Variants in ELOVL1 observed in about 807,000 individuals in gnomAD.
ELOVL1 encodes the protein ELOVL fatty acid elongase 1.
Under a neutral mutation model 37.8 loss-of-function variants are expected in ELOVL1, and 10 were observed. That is an observed-to-expected ratio of 0.26 (90% CI 0.16 to 0.45). The LOEUF is 0.45. Ranked by LOEUF, ELOVL1 falls within the 20% of genes least tolerant of loss-of-function variation. The pLI is 1.00. For missense variants in ELOVL1, 256 were observed against 352.7 expected (o/e 0.73, Z 2.20); for synonymous variants, 133 against 123.8 (o/e 1.07, Z -0.49).
chr1:43,365,513 C>A (rs781442415), intron 2 of ELOVL1, 51 bp downstream of exon 2: 2 of 1,613,780 alleles, frequency 1.2e-6, no homozygotes, highest in East Asian at 4.5e-5. Context: ...AGCCGTAGAT[C>A]CAGGGATCCC....
chr1:43,363,889 G>T lies in ELOVL1; in HGVS notation c.*27C>A, dbSNP rs755587257. 3.1e-6 allele frequency: 5 copies of T among 1,607,258 alleles called. No homozygotes were observed. The highest frequency in any genetic ancestry group is 2.2e-5 in the South Asian group (2 of 90,796). ...CTAAGGTGCAGTCCTGAGGCACTTA[G>T]GTGGGCGCCTATCTAGGCCATGCTT... On this transcript the variant is annotated 3_prime_UTR_variant, in exon 8 of 8. Coordinates refer to ENST00000372458, the MANE Select transcript of ELOVL1 (RefSeq NM_022821.4).
In ELOVL1 at chr1:43,363,791, G is replaced by T; in HGVS notation, c.*125C>A. ...AGCAGCTGTGGGGAGGGGAGGGCCA[G>T]TCCCCTGCTCAGTCCTGACCACATA... On this transcript the variant is annotated 3_prime_UTR_variant, in exon 8 of 8. Transcript: ENST00000372458. 1.2e-6 allele frequency: 1 copy of T among 858,720 alleles called. No individual in the cohort carries two copies. Among genetic ancestry groups the T allele is most frequent in the Non-Finnish European group, 1.8e-6 (1 of 543,914 alleles). The allele number at this position is 858,720 out of a possible 1,614,324, so 53.2% of individuals were successfully genotyped here. A position where few individuals can be genotyped will look rare whatever the true frequency, so the allele number is the denominator to read the frequency against.
At chr1:43,367,893 T>A (rs1275870373) in intron 1 of ELOVL1, 22 bp downstream of exon 1, 1 of 151,836 alleles carries the variant, frequency 6.6e-6, no homozygotes, top group Non-Finnish European at 1.4e-5. Context: ...ACGTGGAGAG[T>A]CCGTGGAAGG....
At position 43,365,018 on chromosome 1, in the gene ELOVL1, G is replaced by T; in HGVS notation, c.238-10C>A. ...AGCCCGACATCAGGAACTGGGAAGGGATGTGGATTAGACCACCAGAGTTCT... is the reference window on the plus strand; with the variant it reads ...AGCCCGACATCAGGAACTGGGAAGGTATGTGGATTAGACCACCAGAGTTCT... On this transcript the variant is annotated splice_polypyrimidine_tract_variant and intron_variant, in intron 3 of 7. Coordinates refer to ENST00000372458, the MANE Select transcript of ELOVL1 (RefSeq NM_022821.4). 1.9e-6 allele frequency: 3 copies of T among 1,612,088 alleles called. No homozygotes were observed. Among genetic ancestry groups the T allele is most frequent in the Non-Finnish European group, 2.5e-6 (3 of 1,179,184 alleles).
chr1:43,363,760 C>T lies in ELOVL1; in HGVS notation c.*156G>A. 1.5e-6 allele frequency: 1 copy of T among 678,700 alleles called. No individual in the cohort carries two copies. The highest frequency in any genetic ancestry group is 2.5e-6 in the Non-Finnish European group (1 of 399,940). The allele number at this position is 678,700 out of a possible 1,614,324, so 42.0% of individuals were successfully genotyped here. A position where few individuals can be genotyped will look rare whatever the true frequency, so the allele number is the denominator to read the frequency against. On this transcript the variant is annotated 3_prime_UTR_variant, in exon 8 of 8. Transcript: ENST00000372458. Reference sequence around the variant, plus strand: ...GGGTGAGGAACCAAAGCCGTGGTCCCTGTAGAGCAGCTGTGGGGAGGGGAG... The same window carrying T: ...GGGTGAGGAACCAAAGCCGTGGTCCTTGTAGAGCAGCTGTGGGGAGGGGAG...
chr1:43,364,788 G>A lies in ELOVL1; in HGVS notation c.325C>T (p.Arg109Trp), dbSNP rs201783931. The change falls in exon 5 of 8, where the codon CGG (arginine) becomes TGG (tryptophan). Residue 109 changes from arginine (R) to tryptophan (W), a missense_variant. Coordinates refer to ENST00000372458, the MANE Select transcript of ELOVL1 (RefSeq NM_022821.4). The surrounding 1 kb of genome is among the most constrained non-coding windows in gnomAD (Gnocchi z 5.2). ...GAGAAGAGGAAGAGCCAGGCCACCC[G>A]AACCATCTGCAAGAAGTTGGGATAG... is the stretch of plus-strand genomic sequence containing the variant. ...SNSPEALRMV[R>W]VAWLFLFSKF... is the part of the protein sequence containing the mutation. The A allele has an allele frequency of 1.4e-5, 23 of 1,614,110 alleles. 1 individual carries two copies. In the South Asian group the frequency reaches 1.4e-4, roughly 10 times the overall value.
At chr1:43,366,123 C>T (rs2153923659) in intron 1 of ELOVL1, 1 of 186,626 alleles carries the variant, frequency 5.4e-6, no homozygotes, top group Non-Finnish European at 1.1e-5. Context: ...ACTCTCTTCT[C>T]CCCAGGGTCC....
rs183418674 is a variant in ELOVL1 at position 43,363,896 on chromosome 1, G to A, written c.*20C>T. On this transcript the variant is annotated 3_prime_UTR_variant, in exon 8 of 8. Coordinates refer to ENST00000372458, the MANE Select transcript of ELOVL1 (RefSeq NM_022821.4). ...GCAGTCCTGAGGCACTTAGGTGGGC[G>A]CCTATCTAGGCCATGCTTCTCAGTT... 4.5e-4 allele frequency: 731 copies of A among 1,610,262 alleles called. 3 individuals carry two copies. Among genetic ancestry groups the A allele is most frequent in the Non-Finnish European group, 6.7e-5 (79 of 1,178,278 alleles).
rs146901172 is a variant in ELOVL1, at chr1:43,364,089, A to T, written c.667T>A (p.Ser223Thr). ...SLHISQYYFM[S>T]SCNYQYPVII... ...ACTGGGTACTGGTAGTTACAGCTGG[A>T]CATAAAGTAGTACTGGGAGATGTGC... Residue 223 changes from serine to threonine, a missense_variant, in exon 8 of 8, where the codon TCC becomes ACC. By Grantham distance (58) the Ser-to-Thr change is moderately conservative. This residue lies in a region of ELOVL1 where 59 missense variants were observed against 73.3 expected (regional missense o/e 0.80). Coordinates refer to ENST00000372458, the MANE Select transcript of ELOVL1 (RefSeq NM_022821.4). This position sits in a 1 kb window ranked among gnomAD's most constrained non-coding sequence, Gnocchi z 5.2. 12 of 1,614,220 alleles carry T rather than the reference A, an allele frequency of 7.4e-6. No individual in the cohort carries two copies. Among genetic ancestry groups the T allele is most frequent in the Middle Eastern group, 1.6e-4 (1 of 6,062 alleles).
Position 43,364,329 on chromosome 1 carries a change from G to GA in ELOVL1, c.612dup (p.Gln205SerfsTer22). 1 of 1,614,146 alleles carries GA rather than the reference G, an allele frequency of 6.2e-7. No homozygotes were observed. The highest frequency in any genetic ancestry group is 8.5e-7 in the Non-Finnish European group (1 of 1,180,040). ...AGTCAGGCCAAGCCCCTCACCAGCT[G>GA]AATGGCTGTCATGTGCTTTTTCCAC... On this transcript the variant is annotated frameshift_variant, in exon 7 of 8. Transcript: ENST00000372458. LOFTEE classifies it high-confidence loss of function. The surrounding 1 kb of genome is among the most constrained non-coding windows in gnomAD (Gnocchi z 5.2).
At chr1:43,367,102 C>T (rs1647261367) in intron 1 of ELOVL1, 3 of 152,472 alleles carry the variant, frequency 2.0e-5, no homozygotes, top group African/African-American at 2.4e-5. Flanking sequence ...CCCAAGCCTG[C>T]GGTCCACACC....
chr1:43,365,980 T>TG (rs1474192738), intron 1 of ELOVL1, among the ~76,000 whole-genome samples: 1 of 152,066 alleles, frequency 6.6e-6, no homozygotes, highest in African/African-American at 2.4e-5. Context: ...AGGGAGCTCT[T>TG]GAACTCCGTC....
rs775570158 is a variant in ELOVL1 at position 43,365,021 on chromosome 1, G to A, written c.238-13C>T. 2.5e-5 allele frequency: 40 copies of A among 1,611,382 alleles called. 1 individual carries two copies. The South Asian group carries it at 3.4e-4, about 14-fold the overall frequency. On this transcript the variant is annotated splice_polypyrimidine_tract_variant and intron_variant, in intron 3 of 7. Coordinates refer to ENST00000372458, the MANE Select transcript of ELOVL1 (RefSeq NM_022821.4). Reference sequence around the variant, plus strand: ...CCGACATCAGGAACTGGGAAGGGATGTGGATTAGACCACCAGAGTTCTCCC... The same window carrying A: ...CCGACATCAGGAACTGGGAAGGGATATGGATTAGACCACCAGAGTTCTCCC...
At chr1:43,366,736 G>C (rs1647248848) in intron 1 of ELOVL1, 2 of 152,346 alleles carry the variant, frequency 1.3e-5, no homozygotes, top group Non-Finnish European at 2.9e-5. Flanking sequence ...GAAGCCAGTG[G>C]CATGTGAAGG....
Position 43,364,242 on chromosome 1 carries a change from G to A in ELOVL1, c.618+82C>T. 2 of 1,611,500 alleles carry A rather than the reference G, an allele frequency of 1.2e-6. No homozygotes were observed. Among genetic ancestry groups the A allele is most frequent in the Non-Finnish European group, 1.7e-6 (2 of 1,178,522 alleles). On this transcript the variant is annotated intron_variant, in intron 7 of 7. Coordinates refer to ENST00000372458, the MANE Select transcript of ELOVL1 (RefSeq NM_022821.4). This position sits in a 1 kb window ranked among gnomAD's most constrained non-coding sequence, Gnocchi z 5.2. ...TTGAGTAGGGAGAGATGGGGTCAAA[G>A]GTGAGACAGACTGGATAAAGGCAGG...
At position 43,364,502 on chromosome 1, in the gene ELOVL1, C is replaced by T. The variant is rs573119112; in HGVS notation, c.481+40G>A. 5.6e-6 allele frequency: 9 copies of T among 1,614,100 alleles called. No individual in the cohort carries two copies. In the East Asian group the frequency reaches 1.8e-4, roughly 32 times the overall value. ...AGACAGGGTCAGCAGAGTCCAGCCT[C>T]TGGTGCCCACCCTTTCCCATAGTGG... On this transcript the variant is annotated intron_variant, in intron 6 of 7. Transcript: ENST00000372458. This position sits in a 1 kb window ranked among gnomAD's most constrained non-coding sequence, Gnocchi z 5.2.
In ELOVL1 at chr1:43,363,416, C is replaced by T. The variant is rs1425732451; in HGVS notation, c.*500G>A. On this transcript the variant is annotated 3_prime_UTR_variant, in exon 8 of 8. Coordinates refer to ENST00000372458, the MANE Select transcript of ELOVL1 (RefSeq NM_022821.4). The stretch of plus-strand genomic sequence containing the variant: ...ACAGCCTCCGTGGTTTCCTCTGTCA[C>T]TTTTAATTAAGACACAAGTTGAGTA... 1 of 468,636 alleles carries T rather than the reference C, an allele frequency of 2.1e-6. No homozygotes were observed. Among genetic ancestry groups the T allele is most frequent in the African/African-American group, 2.0e-5 (1 of 50,010 alleles). 29.0% of individuals were successfully genotyped at this position (468,636 alleles called of 1,614,324 possible). A position where few individuals can be genotyped will look rare whatever the true frequency, so the allele number is the denominator to read the frequency against.
At position 43,365,507 on chromosome 1, in the gene ELOVL1, G is replaced by A. The variant is rs1033703857; in HGVS notation, c.46+57C>T. ...AGGAACTCTCCATTAGAAGACAGCCGTAGATCCAGGGATCCCGGGAAAGAA... is the reference window on the plus strand; with the variant it reads ...AGGAACTCTCCATTAGAAGACAGCCATAGATCCAGGGATCCCGGGAAAGAA... On this transcript the variant is annotated intron_variant, in intron 2 of 7. Transcript: ENST00000372458. The A allele has an allele frequency of 4.7e-5, 75 of 1,612,280 alleles. 1 individual carries two copies. The highest frequency in any genetic ancestry group is 2.0e-4 in the Admixed American group (12 of 60,004).
In ELOVL1 at chr1:43,364,186, G is replaced by A; in HGVS notation, c.619-49C>T. 1 of 1,610,812 alleles carries A rather than the reference G, an allele frequency of 6.2e-7. No homozygotes were observed. The highest frequency in any genetic ancestry group is 8.5e-7 in the Non-Finnish European group (1 of 1,177,442). On this transcript the variant is annotated intron_variant, in intron 7 of 7. Coordinates refer to ENST00000372458, the MANE Select transcript of ELOVL1 (RefSeq NM_022821.4). The surrounding 1 kb of genome is among the most constrained non-coding windows in gnomAD (Gnocchi z 5.2). ...CAGAGGGAATAGTGAGAGGACTAGAGGGGAAGAGGGGGTAGAGAAAGAGAC... is the reference window on the plus strand; with the variant it reads ...CAGAGGGAATAGTGAGAGGACTAGAAGGGAAGAGGGGGTAGAGAAAGAGAC...
Sources: gnomAD v4.1 joint callset for allele counts (sites outside exome capture counted in the v4.1 genomes callset) on GRCh38, gnomAD v4.1.1 for gene constraint, gnomAD v4.1.1 regional missense constraint, Gnocchi (gnomAD v3.1) non-coding constraint, MANE v1.5 for transcripts, NCBI Gene and HGNC (gene_info 2026-07-23, HGNC 2026-07-21) for gene names.